PALM2AKAP2: variants seen among roughly 807,000 people sequenced by gnomAD.
PALM2AKAP2 encodes the protein PALM2 and AKAP2 fusion, also known as PALM2-AKAP2 fusion protein.
A neutral mutation model predicts 71.5 loss-of-function variants in PALM2AKAP2; 37 were observed. The observed-to-expected ratio is 0.52, with a 90% CI of 0.40 to 0.68. PALM2AKAP2 has a LOEUF of 0.68. Ranked by LOEUF, PALM2AKAP2 falls within the 30% of genes least tolerant of loss-of-function variation. The pLI is 0.00. For synonymous variants in PALM2AKAP2, 468 were observed against 478.8 expected (o/e 0.98, Z 0.29); for missense variants, 1,224 against 1,191.8 (o/e 1.03, Z -0.40).
chr9:110,053,095 A>G (rs1833744701), intron 1 of PALM2AKAP2, among the ~76,000 whole-genome samples: 1 of 152,188 alleles, frequency 6.6e-6, no homozygotes. Context: ...GGGCTGGAGA[A>G]GACAGAGCAT....
intron 3 of PALM2AKAP2, among the ~76,000 whole-genome samples, chr9:109,921,121 A>T (rs1830819966): frequency 6.6e-6 from 1 of 152,190 alleles, no homozygotes; most frequent in East Asian, 1.9e-4. Context: ...GCCCACACAC[A>T]GCCTCTCAAG....
intron 6 of PALM2AKAP2, among the ~76,000 whole-genome samples, chr9:109,982,086 G>A (rs1468315429): frequency 6.6e-6 from 1 of 152,130 alleles, no homozygotes; most frequent in Non-Finnish European, 1.5e-5. Flanking sequence ...AGAAAATGTG[G>A]TACGTGTACA....
intron 1 of PALM2AKAP2, among the ~76,000 whole-genome samples, chr9:109,832,385 T>A (rs1355686063): frequency 6.6e-6 from 1 of 152,190 alleles, no homozygotes; most frequent in Non-Finnish European, 1.5e-5. Context: ...GGATGCTGTG[T>A]TGTGAGGTGT....
intron 1 of PALM2AKAP2, among the ~76,000 whole-genome samples, chr9:109,692,625 TGA>T (rs1262118931): frequency 1.3e-5 from 2 of 152,122 alleles, no homozygotes; most frequent in East Asian, 3.9e-4. Context: ...CTTAGTTTGC[TGA>T]GAGTTATTTT....
chr9:110,045,019 G>C (rs1425063813), upstream of PALM2AKAP2, among the ~76,000 whole-genome samples: 1 of 152,148 alleles, frequency 6.6e-6, no homozygotes, highest in Non-Finnish European at 1.5e-5. Flanking sequence ...CCAGAAAGCT[G>C]TTCTTTACTT....
chr9:109,996,050 C>T lies in PALM2AKAP2; in HGVS notation c.497-19904C>T, dbSNP rs112841162. On this transcript the variant is annotated intron_variant, in intron 6 of 9. Coordinates refer to the PALM2AKAP2 transcript ENST00000302798. ...ACAGACCACCAGATGGGTAGCTGAC[C>T]CTTCCAAGAGCACAAAGACTCTAAA... Among the ~76,000 whole-genome samples, 830 of 152,252 alleles carry T rather than the reference C, an allele frequency of 5.5e-3. 8 individuals carry two copies. The highest frequency in any genetic ancestry group is 0.019 in the African/African-American group (780 of 41,530).
At chr9:109,827,615 G>GA (rs1199740023) in intron 1 of PALM2AKAP2, among the ~76,000 whole-genome samples, 1 of 151,832 alleles carries the variant, frequency 6.6e-6, no homozygotes, top group African/African-American at 2.4e-5. Context: ...TCTAAAAAAA[G>GA]AAAAAAAATT....
At chr9:110,167,901 A>G (rs1276114649) in intron 3 of PALM2AKAP2, among the ~76,000 whole-genome samples, 2 of 152,198 alleles carry the variant, frequency 1.3e-5, no homozygotes, top group Admixed American at 1.3e-4. Context: ...AGTCACATGG[A>G]GCTATTCAAA....
At chr9:110,135,162 A>ATATATATATATATAT (rs1374083351) in intron 1 of PALM2AKAP2, among the ~76,000 whole-genome samples, 1 of 48,490 alleles carries the variant, frequency 2.1e-5, no homozygotes, top group African/African-American at 8.3e-5. Context: ...CAAAAAAAAA[A>ATATATATATATATAT]AAATATATAA....
intron 6 of PALM2AKAP2, among the ~76,000 whole-genome samples, chr9:109,987,908 A>C (rs1485464667): frequency 6.6e-6 from 1 of 152,260 alleles, no homozygotes; most frequent in Non-Finnish European, 1.5e-5. Context: ...AACGAGCAAG[A>C]AAATATTAGA....
chr9:109,889,381 C>T (rs1306999623), intron 3 of PALM2AKAP2, among the ~76,000 whole-genome samples: 1 of 152,176 alleles, frequency 6.6e-6, no homozygotes, highest in Non-Finnish European at 1.5e-5. Flanking sequence ...AAAAAACAGT[C>T]TCTCCCCAAA....
At chr9:109,727,937 GATCAGTGCCAGGTCC>G (rs1828498929) in intron 1 of PALM2AKAP2, among the ~76,000 whole-genome samples, 1 of 152,136 alleles carries the variant, frequency 6.6e-6, no homozygotes, top group Non-Finnish European at 1.5e-5. Context: ...AACCCCTTTA[GATCAGTGCCAGGTCC>G]ATCCCAGAGA....
chr9:109,879,173 C>T (rs1829786206), intron 2 of PALM2AKAP2, among the ~76,000 whole-genome samples: 1 of 152,210 alleles, frequency 6.6e-6, no homozygotes, highest in Non-Finnish European at 1.5e-5. Context: ...CATTCCCTGG[C>T]TCTCAGTCTT....
In PALM2AKAP2 at chr9:109,992,040, G is replaced by A. The variant is rs1417430230; in HGVS notation, c.497-23914G>A. ...CAAAGTACCACATATTGGGTGGCTT[G>A]AAACAACCTTGTTTTTTTTCTGGGT... On this transcript the variant is annotated intron_variant, in intron 6 of 9. Transcript: ENST00000302798. 3.3e-5 allele frequency among the ~76,000 whole-genome samples: 5 copies of A among 152,164 alleles called. No individual in the cohort carries two copies. The East Asian group carries it at 9.6e-4, about 29-fold the overall frequency.
At chr9:110,050,789 G>A (rs1009923284) in intron 1 of PALM2AKAP2, among the ~76,000 whole-genome samples, 1 of 151,930 alleles carries the variant, frequency 6.6e-6, no homozygotes, top group Non-Finnish European at 1.5e-5. Flanking sequence ...CACCACACCC[G>A]GCTAATTTTT....
chr9:110,042,149 G>A (rs1471219318), intron 7 of PALM2AKAP2, among the ~76,000 whole-genome samples: 4 of 152,186 alleles, frequency 2.6e-5, no homozygotes, highest in Admixed American at 6.5e-5. Context: ...TATGGGGGCC[G>A]GATGCGGTGG....
intron 1 of PALM2AKAP2, among the ~76,000 whole-genome samples, chr9:109,741,169 C>T (rs890635453): frequency 1.3e-5 from 2 of 152,100 alleles, no homozygotes; most frequent in Non-Finnish European, 2.9e-5. Flanking sequence ...CAGAGGTAAC[C>T]AGTGTTCTGA....
chr9:110,126,626 G>A (rs1588123582), intron 1 of PALM2AKAP2, among the ~76,000 whole-genome samples: 1 of 152,148 alleles, frequency 6.6e-6, no homozygotes, highest in Admixed American at 6.5e-5. Flanking sequence ...TTATTCACGG[G>A]AAACCCGGAA....
At chr9:110,138,256 G>C in exon 2 of PALM2AKAP2, 1 of 1,614,208 alleles carries the variant, frequency 6.2e-7, no homozygotes, top group East Asian at 2.2e-5. Flanking sequence ...ACATGGAGGA[G>C]ACCAGGCCCG....
Sources: allele counts gnomAD v4.1 joint callset (sites outside exome capture counted in the v4.1 genomes callset), GRCh38; gene constraint gnomAD v4.1.1; transcripts MANE v1.5; gene names NCBI Gene and HGNC (gene_info 2026-07-23, HGNC 2026-07-21).